Variants in SPOCK1 observed in about 807,000 individuals in gnomAD.
The protein encoded by SPOCK1 is testican-1.
Under a neutral mutation model 55.3 loss-of-function variants are expected in SPOCK1, and 23 were observed. That is an observed-to-expected ratio of 0.42 (90% CI 0.30 to 0.59). The LOEUF (loss-of-function observed/expected upper bound fraction) is 0.59. Among genes scored for constraint, SPOCK1 ranks in the 20% least tolerant of loss-of-function variants. The pLI, the probability that SPOCK1 is intolerant of heterozygous loss-of-function variation, is 0.22. For missense variants in SPOCK1, 499 were observed against 552.5 expected (o/e 0.90, Z 0.97); for synonymous variants, 226 against 221.0 (o/e 1.02, Z -0.20).
rs573459692 is a variant in SPOCK1, at chr5:137,473,291, G to A, written c.186+25082C>T. 2.6e-5 allele frequency among the ~76,000 whole-genome samples: 4 copies of A among 152,270 alleles called. No homozygotes were observed. The East Asian group carries it at 5.8e-4, about 22-fold the overall frequency. ...ATTCTGCAGCCCTATGAAAGAGTGC[G>A]AAAGATCTTGATAAATTGCTATAAG... is the stretch of plus-strand genomic sequence containing the variant. On this transcript the variant is annotated intron_variant, in intron 2 of 10. Coordinates refer to ENST00000394945, the MANE Select transcript of SPOCK1 (RefSeq NM_004598.4).
Position 136,978,114 on chromosome 5 carries a change from A to G in SPOCK1, c.*540T>C. 1 of 394,930 alleles carries G rather than the reference A, an allele frequency of 2.5e-6. No homozygotes were observed. Among genetic ancestry groups the G allele is most frequent in the Non-Finnish European group, 4.5e-6 (1 of 223,972 alleles). The allele number at this position is 394,930 out of a possible 1,614,324, so 24.5% of individuals were successfully genotyped here. On this transcript the variant is annotated 3_prime_UTR_variant, in exon 11 of 11. Transcript: ENST00000394945. ...TGTTGTTTATAGGAAGCCAGATATA[A>G]TGATGTGAAAAAAACTAATTTTTAA...
chr5:137,288,786 T>C (rs1757313272), intron 2 of SPOCK1, among the ~76,000 whole-genome samples: 1 of 152,212 alleles, frequency 6.6e-6, no homozygotes, highest in African/African-American at 2.4e-5. Context: ...CACAATGCCA[T>C]CTGGAATGAT....
At chr5:137,463,020 A>T (rs140619464) in intron 2 of SPOCK1, among the ~76,000 whole-genome samples, 10 of 152,344 alleles carry the variant, frequency 6.6e-5, no homozygotes, top group African/African-American at 2.4e-4. Flanking sequence ...CATGGGCCAC[A>T]GTAAAAATTT....
chr5:137,239,672 GA>G (rs202008559), intron 3 of SPOCK1, among the ~76,000 whole-genome samples: 9 of 149,414 alleles, frequency 6.0e-5, no homozygotes, highest in East Asian at 2.0e-4. Flanking sequence ...GCTTGGTGTG[GA>G]AAAAAAAAAT....
chr5:137,436,475 T>G (rs1435260655), intron 2 of SPOCK1, among the ~76,000 whole-genome samples: 1 of 152,190 alleles, frequency 6.6e-6, no homozygotes, highest in Non-Finnish European at 1.5e-5. Flanking sequence ...GGCATGTTCC[T>G]GCAATAATAA....
intron 2 of SPOCK1, among the ~76,000 whole-genome samples, chr5:137,385,688 CT>C (rs1751584745): frequency 6.6e-6 from 1 of 152,206 alleles, no homozygotes; most frequent in South Asian, 2.1e-4. Flanking sequence ...GAGCCCACAA[CT>C]TTACCTCCTC....
chr5:137,222,973 AT>A (rs1475009169), intron 3 of SPOCK1, among the ~76,000 whole-genome samples: 1 of 152,158 alleles, frequency 6.6e-6, no homozygotes, highest in African/African-American at 2.4e-5. Context: ...GGAAAAAAAA[AT>A]TTAAGTCTTC....
rs75001589 is a variant in SPOCK1 at position 137,431,489 on chromosome 5, T to C, written c.186+66884A>G. 2.2e-3 allele frequency among the ~76,000 whole-genome samples: 341 copies of C among 152,272 alleles called. 2 individuals are homozygous for C. The highest frequency in any genetic ancestry group is 7.9e-3 in the African/African-American group (330 of 41,554). Reference sequence around the variant, plus strand: ...GTATATGCCATGATTTGGATATGGTTTGTTTGTCCCCACCAAAACTCATGT... The same window carrying C: ...GTATATGCCATGATTTGGATATGGTCTGTTTGTCCCCACCAAAACTCATGT... On this transcript the variant is annotated intron_variant, in intron 2 of 10. Transcript: ENST00000394945.
intron 8 of SPOCK1, 118 bp from the exon 9 acceptor site, chr5:136,985,320 A>G (rs985429000): frequency 1.0e-6 from 1 of 994,972 alleles, no homozygotes; most frequent in Non-Finnish European, 1.6e-6. Flanking sequence ...GAATTGTTCC[A>G]TATGCTGTTA....
intron 3 of SPOCK1, among the ~76,000 whole-genome samples, chr5:137,234,179 G>A (rs1441298156): frequency 6.6e-6 from 1 of 152,196 alleles, no homozygotes; most frequent in African/African-American, 2.4e-5. Context: ...TGTGGGGCCT[G>A]TTCTGCTGAT....
intron 2 of SPOCK1, among the ~76,000 whole-genome samples, chr5:137,320,803 G>A (rs1257731784): frequency 6.6e-6 from 1 of 152,212 alleles, no homozygotes; most frequent in Non-Finnish European, 1.5e-5. Flanking sequence ...AAGGACTGGG[G>A]AAAGTGGTTG....
At chr5:137,137,518 A>T (rs1377229803) in intron 4 of SPOCK1, among the ~76,000 whole-genome samples, 1 of 152,086 alleles carries the variant, frequency 6.6e-6, no homozygotes, top group Non-Finnish European at 1.5e-5. Context: ...CAACAAACAC[A>T]CTCAGGGACT....
intron 2 of SPOCK1, among the ~76,000 whole-genome samples, chr5:137,470,682 A>T (rs1753721953): frequency 6.6e-6 from 1 of 152,168 alleles, no homozygotes; most frequent in Non-Finnish European, 1.5e-5. Context: ...CCAGAAAGGA[A>T]ATCTGCTTTC....
At chr5:137,374,766 T>A (rs1751276097) in intron 2 of SPOCK1, among the ~76,000 whole-genome samples, 1 of 152,192 alleles carries the variant, frequency 6.6e-6, no homozygotes, top group Admixed American at 6.5e-5. Flanking sequence ...TCTAGAACCC[T>A]GCAATGTAAG....
intron 3 of SPOCK1, among the ~76,000 whole-genome samples, chr5:137,173,182 C>T (rs1177384273): frequency 6.6e-6 from 1 of 152,074 alleles, no homozygotes; most frequent in African/African-American, 2.4e-5. Context: ...GGTCTGAACT[C>T]AACACGAGAC....
At chr5:137,434,215 GATCT>G (rs759301730) in intron 2 of SPOCK1, among the ~76,000 whole-genome samples, 54 of 152,164 alleles carry the variant, frequency 3.5e-4, no homozygotes, top group Non-Finnish European at 6.8e-4. Context: ...AGTGAGTAAT[GATCT>G]ATCTTTCTTC....
At chr5:137,076,470 A>G (rs548342435) in intron 5 of SPOCK1, among the ~76,000 whole-genome samples, 2 of 152,214 alleles carry the variant, frequency 1.3e-5, no homozygotes, top group Non-Finnish European at 2.9e-5. Flanking sequence ...CAAACATCAT[A>G]GCTTAGCCTA....
At chr5:137,245,800 T>C (rs72794563) in intron 3 of SPOCK1, among the ~76,000 whole-genome samples, 17,831 of 148,774 alleles carry the variant, frequency 0.12, 1,317 homozygotes, top group East Asian at 0.25. Flanking sequence ...AAAAAAAAAC[T>C]GTCTTGAGAT....
chr5:137,439,323 G>A (rs961675976), intron 2 of SPOCK1, among the ~76,000 whole-genome samples: 2 of 152,132 alleles, frequency 1.3e-5, no homozygotes, highest in Admixed American at 6.5e-5. Flanking sequence ...TCTTGCCCTA[G>A]GCTTCCTCAC....
Sources: allele counts gnomAD v4.1 joint callset (sites outside exome capture counted in the v4.1 genomes callset), GRCh38; gene constraint gnomAD v4.1.1; transcripts MANE v1.5; gene names NCBI Gene and HGNC (gene_info 2026-07-23, HGNC 2026-07-21).